Variants in CEACAM6 observed in about 807,000 individuals in gnomAD.
CEACAM6 encodes CEA cell adhesion molecule 6.
Under a neutral mutation model 32.4 loss-of-function variants are expected in CEACAM6, and 21 were observed. The ratio of observed to expected loss-of-function variants is 0.65; its 90% CI spans 0.46 to 0.93. The LOEUF (loss-of-function observed/expected upper bound fraction) is 0.93. CEACAM6 is among the 40% of genes least tolerant of loss of function. CEACAM6 has a pLI of 0.00. For missense variants in CEACAM6, 406 were observed against 432.2 expected (o/e 0.94, Z 0.54); for synonymous variants, 184 against 174.4 (o/e 1.06, Z -0.43).
chr19:41,764,291 AT>A (rs2072944252), intron 4 of CEACAM6, among the ~76,000 whole-genome samples: 1 of 151,926 alleles, frequency 6.6e-6, no homozygotes, highest in Non-Finnish European at 1.5e-5. Flanking sequence ...AATGTCATCA[AT>A]TTTTTTGAGA....
chr19:41,763,513 C>G (rs1023405583), intron 4 of CEACAM6, among the ~76,000 whole-genome samples: 3 of 152,210 alleles, frequency 2.0e-5, no homozygotes, highest in Non-Finnish European at 4.4e-5. Flanking sequence ...AGGAGAGGTG[C>G]CAGAGGCTGT....
chr19:41,767,724 G>A (rs781973237), intron 5 of CEACAM6, among the ~76,000 whole-genome samples: 1 of 152,114 alleles, frequency 6.6e-6, no homozygotes, highest in Admixed American at 6.5e-5. Context: ...CTAAACCCAT[G>A]GTTTTTAGCT....
chr19:41,763,338 C>T (rs564350483), intron 4 of CEACAM6, among the ~76,000 whole-genome samples: 31 of 152,300 alleles, frequency 2.0e-4, no homozygotes, highest in African/African-American at 7.0e-4. Context: ...CTCAAACCCC[C>T]ATCCCCATCA....
chr19:41,767,192 C>T (rs2072961935), intron 5 of CEACAM6, among the ~76,000 whole-genome samples: 2 of 152,108 alleles, frequency 1.3e-5, no homozygotes, highest in South Asian at 4.1e-4. Context: ...ACATAGAATT[C>T]TTAGTTTCAA....
chr19:41,759,817 C>T (rs1194940187), intron 2 of CEACAM6, among the ~76,000 whole-genome samples: 1 of 152,152 alleles, frequency 6.6e-6, no homozygotes, highest in East Asian at 1.9e-4. Context: ...TCCTGACAAA[C>T]TTTTCAAAGC....
At chr19:41,765,891 C>A (rs2072952729) in intron 4 of CEACAM6, among the ~76,000 whole-genome samples, 1 of 152,160 alleles carries the variant, frequency 6.6e-6, no homozygotes, top group Non-Finnish European at 1.5e-5. Context: ...GAAAAAGATG[C>A]AAACATAAAA....
In CEACAM6 at chr19:41,756,706, C is replaced by T. The variant is rs1555821114; in HGVS notation, c.171C>T (p.Asn57=). Residue 57 remains asparagine, a synonymous_variant, in exon 2 of 6, where the codon AAC becomes AAT. Transcript: ENST00000199764. Reference sequence around the variant, plus strand: ...AGGAGGTTCTTCTACTCGCCCACAACCTGCCCCAGAATCGTATTGGTTACA... The same window carrying T: ...AGGAGGTTCTTCTACTCGCCCACAATCTGCCCCAGAATCGTATTGGTTACA... ...EGKEVLLLAH[N]LPQNRIGYSW... 1.2e-6 allele frequency: 2 copies of T among 1,614,038 alleles called. No individual in the cohort carries two copies. Among genetic ancestry groups the T allele is most frequent in the African/African-American group, 1.3e-5 (1 of 74,878 alleles).
chr19:41,761,894 G>A (rs371998961), intron 3 of CEACAM6, 75 bp from the exon 4 acceptor site: 16 of 1,556,386 alleles, frequency 1.0e-5, no homozygotes, highest in Admixed American at 6.8e-5. Flanking sequence ...GGGGGACACC[G>A]TGGCCCTTCC....
chr19:41,762,280 A>G, intron 4 of CEACAM6, 57 bp downstream of exon 4: 4 of 1,569,494 alleles, frequency 2.5e-6, no homozygotes, highest in Non-Finnish European at 3.5e-6. Context: ...TGGCTCTCAG[A>G]GAAGAGCCAG....
At chr19:41,762,622 G>A (rs2072933646) in intron 4 of CEACAM6, among the ~76,000 whole-genome samples, 1 of 152,100 alleles carries the variant, frequency 6.6e-6, no homozygotes. Flanking sequence ...AGCTACAAGG[G>A]ACAAGGAGGT....
chr19:41,756,781 T>C lies in CEACAM6; in HGVS notation c.246T>C (p.Tyr82=). The part of the protein sequence containing the change: ...RVDGNSLIVG[Y]VIGTQQATPG... ...ATGGCAACAGTCTAATTGTAGGATA[T>C]GTAATAGGAACTCAACAAGCTACCC... The change falls in exon 2 of 6, where the codon TAT becomes TAC. Residue 82 remains tyrosine (Y), a synonymous_variant. Coordinates refer to ENST00000199764, the MANE Select transcript of CEACAM6 (RefSeq NM_002483.7). 1 of 1,613,992 alleles carries C rather than the reference T, an allele frequency of 6.2e-7. No homozygotes were observed. The highest frequency in any genetic ancestry group is 8.5e-7 in the Non-Finnish European group (1 of 1,179,974).
chr19:41,766,084 G>T, intron 4 of CEACAM6, 99 bp from the exon 5 acceptor site: 1 of 754,492 alleles, frequency 1.3e-6, no homozygotes. Context: ...TGTATTCCTT[G>T]AAGGAACAAG....
At chr19:41,760,796 T>C (rs1226235409) in intron 2 of CEACAM6, among the ~76,000 whole-genome samples, 3 of 152,022 alleles carry the variant, frequency 2.0e-5, no homozygotes, top group East Asian at 1.9e-4. Flanking sequence ...CAATAAGAAG[T>C]CCCATCATCA....
intron 5 of CEACAM6, among the ~76,000 whole-genome samples, chr19:41,767,145 G>C (rs1419002901): frequency 1.3e-5 from 2 of 151,692 alleles, no homozygotes; most frequent in South Asian, 2.1e-4. Context: ...ATTAGAATCT[G>C]ACTCTCTACA....
At chr19:41,769,048 C>A (rs1224121004) in intron 5 of CEACAM6, among the ~76,000 whole-genome samples, 2 of 152,054 alleles carry the variant, frequency 1.3e-5, no homozygotes, top group Non-Finnish European at 2.9e-5. Flanking sequence ...TGGGTTCAAG[C>A]GATTCTCCTG....
At chr19:41,770,663 AAT>A (rs2072988793) in intron 5 of CEACAM6, 137 bp from the exon 6 acceptor site, 1 of 152,210 alleles carries the variant, frequency 6.6e-6, no homozygotes, top group Non-Finnish European at 1.5e-5. Flanking sequence ...TTGGAAAACA[AAT>A]ATGTCTTACT....
chr19:41,762,580 T>A (rs1245462787), intron 4 of CEACAM6, among the ~76,000 whole-genome samples: 2 of 152,148 alleles, frequency 1.3e-5, no homozygotes, highest in African/African-American at 2.4e-5. Flanking sequence ...TCCCTTTCTG[T>A]CACTTCTTTG....
At chr19:41,769,608 C>T (rs987756426) in intron 5 of CEACAM6, among the ~76,000 whole-genome samples, 10 of 151,670 alleles carry the variant, frequency 6.6e-5, no homozygotes, top group Middle Eastern at 3.4e-3. Flanking sequence ...AACAATTTTG[C>T]GAACAAAAAT....
chr19:41,759,460 G>A (rs931301333), intron 2 of CEACAM6, among the ~76,000 whole-genome samples: 6 of 152,144 alleles, frequency 3.9e-5, no homozygotes, highest in Non-Finnish European at 7.4e-5. Context: ...CATAACACAC[G>A]TTGCTTCTAA....
Sources: gnomAD v4.1 joint callset for allele counts (sites outside exome capture counted in the v4.1 genomes callset) on GRCh38, gnomAD v4.1.1 for gene constraint, MANE v1.5 for transcripts, NCBI Gene and HGNC (gene_info 2026-07-23, HGNC 2026-07-21) for gene names.